Variants in HDAC9 observed in about 807,000 individuals in gnomAD.
HDAC9 encodes the protein MEF-2 interacting transcription repressor (MITR) protein.
A neutral mutation model predicts 139.4 loss-of-function variants in HDAC9; 41 were observed. The ratio of observed to expected loss-of-function variants is 0.29; its 90% CI spans 0.23 to 0.38. HDAC9 has a LOEUF of 0.38. HDAC9 is among the 10% of genes least tolerant of loss of function. The probability of loss-of-function intolerance (pLI) is 1.00; values close to 1 mark genes in which losing one functional copy is unlikely to be tolerated. For missense variants in HDAC9, 1,147 were observed against 1,297.0 expected (o/e 0.88, Z 1.78); for synonymous variants, 517 against 476.2 (o/e 1.09, Z -1.12).
chr7:18,691,006 A>G (rs1344091957), intron 12 of HDAC9, among the ~76,000 whole-genome samples: 2 of 152,062 alleles, frequency 1.3e-5, no homozygotes, highest in African/African-American at 2.4e-5. Context: ...TGTTTAATGT[A>G]TATTTATAAA....
intron 1 of HDAC9, among the ~76,000 whole-genome samples, chr7:18,142,263 A>G (rs189688206): frequency 5.1e-4 from 78 of 152,270 alleles, no homozygotes; most frequent in Admixed American, 2.4e-3. Context: ...CCAAATAAGT[A>G]ACTTAATTTG....
At chr7:18,320,934 G>A (rs1261505774) in intron 1 of HDAC9, among the ~76,000 whole-genome samples, 2 of 152,142 alleles carry the variant, frequency 1.3e-5, no homozygotes, top group Non-Finnish European at 2.9e-5. Flanking sequence ...TCTAAGTCAT[G>A]GTTTAGAGGA....
At chr7:18,698,594 G>C (rs768038469) in intron 12 of HDAC9, among the ~76,000 whole-genome samples, 3 of 152,134 alleles carry the variant, frequency 2.0e-5, no homozygotes, top group Non-Finnish European at 2.9e-5. Flanking sequence ...GGTATCAAAG[G>C]CCTGTGTCAT....
intron 17 of HDAC9, among the ~76,000 whole-genome samples, chr7:18,818,412 G>A (rs181071622): frequency 6.6e-6 from 1 of 152,056 alleles, no homozygotes; most frequent in Non-Finnish European, 1.5e-5. Flanking sequence ...TCCTAAAATA[G>A]TTATATTTAT....
chr7:18,953,276 T>C (rs1474113518), intron 23 of HDAC9, among the ~76,000 whole-genome samples: 3 of 152,122 alleles, frequency 2.0e-5, no homozygotes, highest in Admixed American at 6.6e-5. Context: ...TATTACTTTA[T>C]TTGCTTTTTG....
chr7:18,519,440 G>A (rs1804289260), intron 2 of HDAC9, among the ~76,000 whole-genome samples: 1 of 152,032 alleles, frequency 6.6e-6, no homozygotes, highest in African/African-American at 2.4e-5. Flanking sequence ...GTAACTCAGT[G>A]GATAAATAAT....
chr7:18,218,007 A>G (rs762827395), intron 2 of HDAC9, among the ~76,000 whole-genome samples: 3 of 152,128 alleles, frequency 2.0e-5, no homozygotes, highest in Non-Finnish European at 2.9e-5. Flanking sequence ...TCACATGGCT[A>G]TTGACTGGAG....
chr7:18,906,214 C>T (rs1802246702), intron 22 of HDAC9, among the ~76,000 whole-genome samples: 1 of 151,842 alleles, frequency 6.6e-6, no homozygotes, highest in South Asian at 2.1e-4. Context: ...ACAATCTCAA[C>T]TCACTGTAAC....
At chr7:18,703,900 A>C (rs897075505) in intron 12 of HDAC9, among the ~76,000 whole-genome samples, 3 of 151,966 alleles carry the variant, frequency 2.0e-5, no homozygotes, top group African/African-American at 7.3e-5. Flanking sequence ...TCAGTCCATT[A>C]CTAATTTTAG....
At chr7:18,576,608 G>A (rs1470048497) in intron 2 of HDAC9, among the ~76,000 whole-genome samples, 2 of 150,016 alleles carry the variant, frequency 1.3e-5, no homozygotes, top group Admixed American at 6.6e-5. Flanking sequence ...GTTGCAGTGA[G>A]CCGAGATCGC....
At chr7:18,623,714 C>T (rs1242884713) in intron 6 of HDAC9, among the ~76,000 whole-genome samples, 5 of 152,248 alleles carry the variant, frequency 3.3e-5, no homozygotes, top group African/African-American at 9.6e-5. Context: ...CAGGCCAAGG[C>T]GGGCGGATTA....
chr7:18,199,298 C>G (rs1790936939), intron 2 of HDAC9, among the ~76,000 whole-genome samples: 1 of 151,856 alleles, frequency 6.6e-6, no homozygotes, highest in African/African-American at 2.4e-5. Flanking sequence ...TCCACAGATC[C>G]CAATTTCTGG....
chr7:18,264,663 T>C (rs530720946), intron 2 of HDAC9, among the ~76,000 whole-genome samples: 2 of 152,320 alleles, frequency 1.3e-5, no homozygotes, highest in South Asian at 2.1e-4. Context: ...AACATTCTTA[T>C]TTTAGAAAGG....
At chr7:18,343,067 T>G (rs537209350) in intron 1 of HDAC9, among the ~76,000 whole-genome samples, 1 of 151,936 alleles carries the variant, frequency 6.6e-6, no homozygotes, top group African/African-American at 2.4e-5. Context: ...GTCATTTATT[T>G]ATGACTTGGA....
intron 12 of HDAC9, among the ~76,000 whole-genome samples, chr7:18,670,070 T>A (rs941936491): frequency 1.3e-5 from 2 of 151,970 alleles, no homozygotes. Context: ...TGGTGTTTCA[T>A]TGTGTTTTTT....
At chr7:18,621,415 T>C (rs867761655) in intron 6 of HDAC9, among the ~76,000 whole-genome samples, 5 of 152,016 alleles carry the variant, frequency 3.3e-5, no homozygotes, top group Non-Finnish European at 7.4e-5. Flanking sequence ...CAAAAGATCA[T>C]ATTGTAAATT....
At chr7:18,886,456 A>T (rs555134816) in intron 22 of HDAC9, among the ~76,000 whole-genome samples, 8 of 152,202 alleles carry the variant, frequency 5.3e-5, no homozygotes, top group Non-Finnish European at 1.2e-4. Flanking sequence ...ATACTAAGAT[A>T]TACTTTTTCA....
intron 1 of HDAC9, among the ~76,000 whole-genome samples, chr7:18,337,604 C>G (rs1414404377): frequency 6.6e-6 from 1 of 151,678 alleles, no homozygotes; most frequent in Non-Finnish European, 1.5e-5. Context: ...TGACTCCGGC[C>G]AGCCTGATCA....
intron 12 of HDAC9, among the ~76,000 whole-genome samples, chr7:18,720,566 C>T (rs932826157): frequency 3.3e-5 from 5 of 149,840 alleles, no homozygotes; most frequent in South Asian, 2.1e-4. Flanking sequence ...ATAGTTGGTA[C>T]AGATTAATGT....
Sources: allele counts gnomAD v4.1 joint callset (sites outside exome capture counted in the v4.1 genomes callset), GRCh38; gene constraint gnomAD v4.1.1; transcripts MANE v1.5; gene names NCBI Gene and HGNC (gene_info 2026-07-23, HGNC 2026-07-21).